Variants in SEMA3E observed in about 807,000 individuals in gnomAD.
The protein encoded by SEMA3E is semaphorin-3E.
A neutral mutation model predicts 93.6 loss-of-function variants in SEMA3E; 49 were observed. That is an observed-to-expected ratio of 0.52 (90% CI 0.42 to 0.66). The LOEUF is 0.66. SEMA3E is among the 30% of genes least tolerant of loss of function. SEMA3E has a pLI of 0.00. For synonymous variants in SEMA3E, 363 were observed against 330.7 expected, an observed-to-expected ratio of 1.10 and a Z score of -1.06; for missense variants, 906 against 964.8, an observed-to-expected ratio of 0.94 and a Z score of 0.81.
At chr7:83,442,491 T>A (rs549291269) in intron 4 of SEMA3E, among the ~76,000 whole-genome samples, 3 of 152,322 alleles carry the variant, frequency 2.0e-5, no homozygotes, top group African/African-American at 7.2e-5. Context: ...AATGTAAATT[T>A]CTATTATCTC....
At chr7:83,440,931 T>C (rs2115783309) in intron 4 of SEMA3E, among the ~76,000 whole-genome samples, 1 of 152,288 alleles carries the variant, frequency 6.6e-6, no homozygotes, top group African/African-American at 2.4e-5. Context: ...GAAGTTATAT[T>C]AGAGCCAGAC....
At chr7:83,496,138 A>C (rs1790486907) in intron 1 of SEMA3E, among the ~76,000 whole-genome samples, 1 of 151,990 alleles carries the variant, frequency 6.6e-6, no homozygotes, top group African/African-American at 2.4e-5. Context: ...ATGCAAAAAG[A>C]GAATTTATTA....
chr7:83,396,041 ATGTG>A (rs3043167), intron 12 of SEMA3E, among the ~76,000 whole-genome samples: 8,349 of 149,068 alleles, frequency 0.056, 690 homozygotes, highest in African/African-American at 0.18. Flanking sequence ...ATACGACTTG[ATGTG>A]TGTGTGTGTG....
At chr7:83,468,384 C>T (rs1276439755) in intron 3 of SEMA3E, among the ~76,000 whole-genome samples, 1 of 152,152 alleles carries the variant, frequency 6.6e-6, no homozygotes, top group Non-Finnish European at 1.5e-5. Flanking sequence ...TATTAGACCA[C>T]ATTTTGGCTC....
intron 16 of SEMA3E, among the ~76,000 whole-genome samples, chr7:83,369,754 C>T (rs931735961): frequency 1.3e-5 from 2 of 152,148 alleles, no homozygotes; most frequent in Non-Finnish European, 2.9e-5. Context: ...CTGTTATAGG[C>T]AACTAACTTT....
chr7:83,563,259 T>C (rs1792075285), intron 1 of SEMA3E, among the ~76,000 whole-genome samples: 1 of 152,178 alleles, frequency 6.6e-6, no homozygotes, highest in Non-Finnish European at 1.5e-5. Flanking sequence ...TAATAGAACA[T>C]GGTCACTTAA....
intron 4 of SEMA3E, among the ~76,000 whole-genome samples, chr7:83,445,590 T>C (rs1053674648): frequency 1.3e-5 from 2 of 151,934 alleles, no homozygotes; most frequent in Admixed American, 6.6e-5. Flanking sequence ...TCCTGGTGGG[T>C]GCCTGTAATC....
At chr7:83,409,394 T>C (rs1473234543) in intron 5 of SEMA3E, among the ~76,000 whole-genome samples, 1 of 152,174 alleles carries the variant, frequency 6.6e-6, no homozygotes, top group Non-Finnish European at 1.5e-5. Context: ...TCAGTTGTCC[T>C]GTCTGGAGCA....
At chr7:83,618,513 G>T (rs547734018) in intron 1 of SEMA3E, among the ~76,000 whole-genome samples, 2 of 152,038 alleles carry the variant, frequency 1.3e-5, no homozygotes, top group African/African-American at 4.8e-5. Flanking sequence ...AACTAGAGTG[G>T]CTTTATCAAT....
In SEMA3E at chr7:83,554,997, T is replaced by TAAATAAATAAATAAATAAATAAAA. The variant is rs1463250754; in HGVS notation, c.116-64724_116-64723insTTTTATTTATTTATTTATTTATTT. On this transcript the variant is annotated intron_variant, in intron 1 of 16. Coordinates refer to ENST00000643230, the MANE Select transcript of SEMA3E (RefSeq NM_012431.3). ...GTCTCAAAATAAATAAATAAATAAA[T>TAAATAAATAAATAAATAAATAAAA]AAAAATGGAAAAAAAAAAGACTTGT... Among the ~76,000 whole-genome samples the TAAATAAATAAATAAATAAATAAAA allele has an allele frequency of 2.4e-4, 35 of 145,256 alleles. No individual in the cohort carries two copies. In the East Asian group the frequency reaches 2.9e-3, roughly 12 times the overall value.
chr7:83,463,047 G>A (rs373824505), intron 4 of SEMA3E, among the ~76,000 whole-genome samples: 92 of 148,482 alleles, frequency 6.2e-4, no homozygotes, highest in African/African-American at 2.2e-3. Flanking sequence ...GACAGCCCCC[G>A]TTACTTCAAT....
chr7:83,532,742 G>C (rs1359226934), intron 1 of SEMA3E, among the ~76,000 whole-genome samples: 2 of 149,962 alleles, frequency 1.3e-5, no homozygotes, highest in Non-Finnish European at 3.0e-5. Context: ...GTCTTTTCCA[G>C]TTTTGAGATA....
intron 5 of SEMA3E, among the ~76,000 whole-genome samples, chr7:83,416,258 C>CCCT (rs1788535896): frequency 6.6e-6 from 1 of 152,020 alleles, no homozygotes; most frequent in Non-Finnish European, 1.5e-5. Context: ...GCTTGGAGGG[C>CCCT]TCCTTTGATT....
At chr7:83,504,527 G>A (rs1031674941) in intron 1 of SEMA3E, among the ~76,000 whole-genome samples, 4 of 152,124 alleles carry the variant, frequency 2.6e-5, no homozygotes, top group Non-Finnish European at 5.9e-5. Context: ...CTGGGTACGT[G>A]GGTTCTCTTT....
At chr7:83,448,410 G>A (rs930170537) in intron 4 of SEMA3E, among the ~76,000 whole-genome samples, 3 of 152,144 alleles carry the variant, frequency 2.0e-5, no homozygotes, top group Non-Finnish European at 4.4e-5. Flanking sequence ...GCTTTGGGAG[G>A]CTGAAGTGGG....
chr7:83,476,169 GC>G (rs1053270682), intron 2 of SEMA3E, among the ~76,000 whole-genome samples: 122 of 152,136 alleles, frequency 8.0e-4, no homozygotes, highest in African/African-American at 2.8e-3. Flanking sequence ...CCATTGATTG[GC>G]TTGTATCAGT....
chr7:83,570,899 C>T (rs1792273833), intron 1 of SEMA3E, among the ~76,000 whole-genome samples: 1 of 150,930 alleles, frequency 6.6e-6, no homozygotes, highest in South Asian at 2.1e-4. Flanking sequence ...AAAAAAGATC[C>T]TCAGAGACTA....
intron 1 of SEMA3E, among the ~76,000 whole-genome samples, chr7:83,573,073 A>G (rs915561512): frequency 6.6e-6 from 1 of 152,212 alleles, no homozygotes; most frequent in African/African-American, 2.4e-5. Context: ...TCTGCAAAAT[A>G]AATTATCCAT....
intron 1 of SEMA3E, among the ~76,000 whole-genome samples, chr7:83,609,672 T>G (rs1793207743): frequency 6.6e-6 from 1 of 151,966 alleles, no homozygotes; most frequent in South Asian, 2.1e-4. Flanking sequence ...AAACAACAGA[T>G]TTTTACTTAC....
Sources: allele counts gnomAD v4.1 joint callset (sites outside exome capture counted in the v4.1 genomes callset), GRCh38; gene constraint gnomAD v4.1.1; transcripts MANE v1.5; gene names NCBI Gene and HGNC (gene_info 2026-07-23, HGNC 2026-07-21).